Variants in BCKDHB observed in about 807,000 individuals in gnomAD.
The protein encoded by BCKDHB is 2-oxoisovalerate dehydrogenase subunit beta, mitochondrial.
Under a neutral mutation model 48.5 loss-of-function variants are expected in BCKDHB, and 41 were observed. The observed-to-expected ratio is 0.85, with a 90% CI of 0.66 to 1.10. The LOEUF (loss-of-function observed/expected upper bound fraction) is 1.10. BCKDHB is among the 50% of genes least tolerant of loss of function. BCKDHB has a pLI of 0.00. For synonymous variants in BCKDHB, 201 were observed against 174.8 expected, an observed-to-expected ratio of 1.15 and a Z score of -1.18; for missense variants, 496 against 494.2, an observed-to-expected ratio of 1.00 and a Z score of -0.03.
chr6:80,359,941 G>T, the BCKDHB span, among the ~76,000 whole-genome samples: 1 of 152,152 alleles, frequency 6.6e-6, no homozygotes, highest in Non-Finnish European at 1.5e-5. Flanking sequence ...ATCTTGCTGG[G>T]AAATTTTACC....
chr6:80,246,393 T>A lies in BCKDHB; in HGVS notation c.952-26742T>A, dbSNP rs776261152. Among the ~76,000 whole-genome samples the A allele has an allele frequency of 2.0e-5, 3 of 152,296 alleles. No homozygotes were observed. In the East Asian group the frequency reaches 5.8e-4, roughly 29 times the overall value. On this transcript the variant is annotated intron_variant, in intron 8 of 9. Transcript: ENST00000320393. ...GTTATCCTGCATTGCTATACAACAA[T>A]TGGGGCATCTTGTGGTTGAAGTTTT... is the stretch of plus-strand genomic sequence containing the variant.
At chr6:80,138,325 G>T (rs1026669775) in intron 3 of BCKDHB, among the ~76,000 whole-genome samples, 9 of 151,814 alleles carry the variant, frequency 5.9e-5, no homozygotes, top group Non-Finnish European at 1.2e-4. Context: ...TAAGTTTTAG[G>T]GTACATATGC....
At chr6:80,442,957 A>C in the BCKDHB span, among the ~76,000 whole-genome samples, 2 of 152,202 alleles carry the variant, frequency 1.3e-5, no homozygotes, top group Non-Finnish European at 2.9e-5. Context: ...GCAACTCCAC[A>C]GTAAAGGCAT....
chr6:80,305,272 A>G (rs1767802614), intron 9 of BCKDHB, among the ~76,000 whole-genome samples: 1 of 151,990 alleles, frequency 6.6e-6, no homozygotes. Context: ...TGAGACCTTT[A>G]TGGAAAAATT....
chr6:80,314,240 G>A (rs766298208), intron 9 of BCKDHB, among the ~76,000 whole-genome samples: 2 of 152,204 alleles, frequency 1.3e-5, no homozygotes, highest in African/African-American at 2.4e-5. Context: ...TTCTATTTGG[G>A]TAGAGAGTTC....
chr6:80,411,398 C>T, the BCKDHB span, among the ~76,000 whole-genome samples: 1 of 152,190 alleles, frequency 6.6e-6, no homozygotes, highest in South Asian at 2.1e-4. Flanking sequence ...GAGGTGTCTC[C>T]CAGTCAGGCT....
At chr6:80,159,093 C>T (rs902838434) in intron 3 of BCKDHB, among the ~76,000 whole-genome samples, 1 of 152,160 alleles carries the variant, frequency 6.6e-6, no homozygotes, top group African/African-American at 2.4e-5. Context: ...AATAAGGTGA[C>T]TATAACCCTT....
the BCKDHB span, among the ~76,000 whole-genome samples, chr6:80,428,656 C>T: frequency 6.6e-6 from 1 of 152,186 alleles, no homozygotes; most frequent in Admixed American, 6.5e-5. Context: ...TTGTTGGCTG[C>T]ATAAATGTCT....
At chr6:80,108,821 C>T (rs1308689654) in intron 1 of BCKDHB, among the ~76,000 whole-genome samples, 3 of 152,158 alleles carry the variant, frequency 2.0e-5, no homozygotes, top group Non-Finnish European at 4.4e-5. Flanking sequence ...TATCGTGCCA[C>T]TGCACTCCAG....
intron 9 of BCKDHB, among the ~76,000 whole-genome samples, chr6:80,301,236 A>G (rs1767563941): frequency 6.6e-6 from 1 of 152,238 alleles, no homozygotes; most frequent in Non-Finnish European, 1.5e-5. Context: ...CAAAAGATCA[A>G]TGAAACCAAG....
At chr6:80,413,145 A>G in the BCKDHB span, among the ~76,000 whole-genome samples, 1 of 152,142 alleles carries the variant, frequency 6.6e-6, no homozygotes, top group Non-Finnish European at 1.5e-5. Flanking sequence ...ATGATATATA[A>G]TTACTTGATG....
the BCKDHB span, among the ~76,000 whole-genome samples, chr6:80,452,855 G>A: frequency 0.036 from 5,489 of 152,252 alleles, 348 homozygotes; most frequent in African/African-American, 0.13. Flanking sequence ...GGATTTAGGA[G>A]CAAATGACTT....
intron 3 of BCKDHB, among the ~76,000 whole-genome samples, chr6:80,132,569 A>G (rs1304151405): frequency 6.6e-6 from 1 of 152,196 alleles, no homozygotes; most frequent in Non-Finnish European, 1.5e-5. Flanking sequence ...TTAACTTGAA[A>G]AAGTCCAGTG....
rs34127398 is a variant in BCKDHB at position 80,342,556 on chromosome 6, G to GAAAAAAAAAAAA, written c.1039-1096_1039-1085dup. On this transcript the variant is annotated intron_variant, in intron 9 of 9. Transcript: ENST00000320393. Reference sequence around the variant, plus strand: ...GGCAACATAAGAAGACCTCATTTCTGAAAAAAAAAAAAAAAAAAAAAAAGA... The same window carrying GAAAAAAAAAAAA: ...GGCAACATAAGAAGACCTCATTTCTGAAAAAAAAAAAAAAAAAAAAAAAAAAAAAAAAAAAGA... Among the ~76,000 whole-genome samples the GAAAAAAAAAAAA allele has an allele frequency of 1.2e-4, 3 of 24,096 alleles. 1 individual carries two copies. The highest frequency in any genetic ancestry group is 6.8e-4 in the Admixed American group (1 of 1,464). The allele number at this position is 24,096 out of a possible 152,430, so 15.8% of individuals were successfully genotyped here.
the BCKDHB span, among the ~76,000 whole-genome samples, chr6:80,372,939 G>T: frequency 6.6e-6 from 1 of 151,962 alleles, no homozygotes; most frequent in Non-Finnish European, 1.5e-5. Context: ...TCCTGGTTTT[G>T]GTATTAAGGT....
chr6:80,322,896 C>CTTTTTTTT (rs34177726), intron 9 of BCKDHB, among the ~76,000 whole-genome samples: 150 of 115,486 alleles, frequency 1.3e-3, no homozygotes, highest in Middle Eastern at 4.9e-3. Flanking sequence ...TTTCTTTTTT[C>CTTTTTTTT]TTTTTTTTTT....
intron 8 of BCKDHB, among the ~76,000 whole-genome samples, chr6:80,266,152 A>G (rs1020323039): frequency 1.3e-5 from 2 of 152,128 alleles, no homozygotes; most frequent in African/African-American, 4.8e-5. Context: ...ATTCTATGAC[A>G]TGGAAGTCAA....
intron 1 of BCKDHB, among the ~76,000 whole-genome samples, chr6:80,117,772 T>C (rs1769783100): frequency 6.6e-6 from 1 of 152,230 alleles, no homozygotes; most frequent in Admixed American, 6.5e-5. Context: ...CTATAATCTA[T>C]AGAAACAATG....
At chr6:80,111,090 T>C (rs2127706127) in intron 1 of BCKDHB, among the ~76,000 whole-genome samples, 1 of 152,354 alleles carries the variant, frequency 6.6e-6, no homozygotes, top group Middle Eastern at 3.4e-3. Flanking sequence ...TGTTGGAAGA[T>C]TTGTTTCTCA....
Sources: allele counts gnomAD v4.1 joint callset (sites outside exome capture counted in the v4.1 genomes callset), GRCh38; gene constraint gnomAD v4.1.1; transcripts MANE v1.5; gene names NCBI Gene and HGNC (gene_info 2026-07-23, HGNC 2026-07-21).